The following HEATR5B variants were observed in gnomAD, a reference collection of about 807,000 sequenced individuals.
HEATR5B encodes HEAT repeat containing 5B.
A neutral mutation model predicts 224.1 loss-of-function variants in HEATR5B; 156 were observed. The observed-to-expected ratio is 0.70, with a 90% confidence interval of 0.61 to 0.80. HEATR5B has a LOEUF of 0.80. Ranked by LOEUF, HEATR5B falls within the 30% of genes least tolerant of loss-of-function variation. The pLI is 0.00. For missense variants in HEATR5B, 2,323 were observed against 2,535.5 expected (o/e 0.92, Z 1.80); for synonymous variants, 1,027 against 893.0 (o/e 1.15, Z -2.68).
chr2:37,050,081 C>G (rs904050549), intron 17 of HEATR5B, among the ~76,000 whole-genome samples: 20 of 151,806 alleles, frequency 1.3e-4, no homozygotes, highest in Non-Finnish European at 2.5e-4. Flanking sequence ...TTTGTAGAGA[C>G]AGGGTCTTAC....
chr2:37,022,429 G>A (rs530347647), intron 24 of HEATR5B, among the ~76,000 whole-genome samples: 2 of 152,150 alleles, frequency 1.3e-5, no homozygotes, highest in Admixed American at 6.5e-5. Context: ...CGCCCACCTC[G>A]GCCTCCCAAA....
intron 35 of HEATR5B, among the ~76,000 whole-genome samples, chr2:36,983,389 A>G (rs1204441113): frequency 2.8e-5 from 4 of 141,782 alleles, no homozygotes; most frequent in Middle Eastern, 7.1e-3. Context: ...AAAAAAAAAA[A>G]TTAGCCGGGC....
At chr2:37,020,864 G>C in intron 24 of HEATR5B, 28 bp from the exon 25 acceptor site, 1 of 1,335,516 alleles carries the variant, frequency 7.5e-7, no homozygotes, top group East Asian at 2.7e-5. Flanking sequence ...ATGCAAAAAT[G>C]AAAACTTTTC....
intron 2 of HEATR5B, among the ~76,000 whole-genome samples, chr2:37,083,069 G>A (rs1672711407): frequency 1.3e-5 from 2 of 152,148 alleles, no homozygotes; most frequent in Non-Finnish European, 2.9e-5. Context: ...TTTTTCTCCA[G>A]TTACAATGAG....
At chr2:37,040,567 T>C in intron 19 of HEATR5B, 49 bp from the exon 20 acceptor site, 2 of 1,404,484 alleles carry the variant, frequency 1.4e-6, no homozygotes, top group Non-Finnish European at 9.8e-7. Context: ...AATTCGAATG[T>C]ACTGAATTGA....
intron 35 of HEATR5B, among the ~76,000 whole-genome samples, chr2:36,982,259 C>A (rs2148305498): frequency 6.6e-6 from 1 of 152,206 alleles, no homozygotes; most frequent in Middle Eastern, 3.4e-3. Context: ...ATTTCATCAT[C>A]CCCCAAAACT....
At position 37,040,259 on chromosome 2, in the gene HEATR5B, G is replaced by A. The variant is rs1303775660; in HGVS notation, c.3046+70C>T. 7.5e-6 allele frequency: 9 copies of A among 1,203,126 alleles called. No individual in the cohort carries two copies. The African/African-American group carries it at 7.7e-5, about 10-fold the overall frequency. 74.5% of individuals were successfully genotyped at this position (1,203,126 alleles called of 1,614,324 possible). A position where few individuals can be genotyped will look rare whatever the true frequency, so the allele number is the denominator to read the frequency against. On this transcript the variant is annotated intron_variant, in intron 20 of 35. Transcript: ENST00000233099. The stretch of plus-strand genomic sequence containing the variant: ...ACAAAATTTCTTCAAGTAATGTGAT[G>A]GTGATATTCAGGAAATTTAAAGATA...
At chr2:37,038,856 C>T (rs1052953711) in intron 20 of HEATR5B, among the ~76,000 whole-genome samples, 3 of 146,808 alleles carry the variant, frequency 2.0e-5, no homozygotes, top group East Asian at 2.0e-4. Flanking sequence ...GCTGAGATCA[C>T]GCCACTGCAC....
At chr2:36,986,710 C>T (rs554104049) in intron 35 of HEATR5B, among the ~76,000 whole-genome samples, 3 of 152,180 alleles carry the variant, frequency 2.0e-5, no homozygotes, top group East Asian at 3.9e-4. Flanking sequence ...CTCCGCCTCC[C>T]GGGTTCAAGC....
chr2:36,984,566 T>G (rs963468141), intron 35 of HEATR5B, among the ~76,000 whole-genome samples: 3 of 152,144 alleles, frequency 2.0e-5, no homozygotes, highest in East Asian at 3.9e-4. Context: ...AGATCTAATG[T>G]AGGTTTAATA....
chr2:36,984,393 T>C (rs2148314739), intron 35 of HEATR5B, among the ~76,000 whole-genome samples: 1 of 151,538 alleles, frequency 6.6e-6, no homozygotes, highest in East Asian at 1.9e-4. Flanking sequence ...GAGTACTAAG[T>C]GCTAAAAAAC....
At chr2:37,058,059 T>C (rs1228382032) in intron 14 of HEATR5B, among the ~76,000 whole-genome samples, 2 of 152,186 alleles carry the variant, frequency 1.3e-5, no homozygotes, top group Non-Finnish European at 2.9e-5. Flanking sequence ...TATATTACAG[T>C]ATATAGGAAG....
At chr2:37,006,073 A>G (rs186532996) in intron 29 of HEATR5B, among the ~76,000 whole-genome samples, 1 of 152,348 alleles carries the variant, frequency 6.6e-6, no homozygotes, top group Admixed American at 6.5e-5. Context: ...ATAAATTTAC[A>G]AACATTATAA....
intron 33 of HEATR5B, among the ~76,000 whole-genome samples, chr2:36,993,555 A>G (rs1666482596): frequency 6.7e-6 from 1 of 149,770 alleles, no homozygotes; most frequent in Non-Finnish European, 1.5e-5. Flanking sequence ...AAAAAAAAAA[A>G]AAGAAAGAAA....
chr2:36,992,598 C>G (rs1436198582), intron 33 of HEATR5B, among the ~76,000 whole-genome samples: 1 of 151,820 alleles, frequency 6.6e-6, no homozygotes, highest in African/African-American at 2.4e-5. Context: ...AACAAACAAA[C>G]AAAAAACCTA....
Position 37,002,300 on chromosome 2 carries a change from C to T in HEATR5B, c.5317+6G>A, listed in dbSNP as rs756927356. On this transcript the variant is annotated splice_donor_region_variant and intron_variant, in intron 32 of 35. Transcript: ENST00000233099. The stretch of plus-strand genomic sequence containing the variant: ...ATGCATTTCCAAATACTGATCAATA[C>T]CGTACCAGCGGGTGAACAAAGGGAT... 6 of 1,614,096 alleles carry T rather than the reference C, an allele frequency of 3.7e-6. No individual in the cohort carries two copies. Among genetic ancestry groups the T allele is most frequent in the South Asian group, 1.1e-5 (1 of 91,078 alleles).
At chr2:37,014,238 T>G (rs1667971578) in intron 26 of HEATR5B, among the ~76,000 whole-genome samples, 1 of 152,092 alleles carries the variant, frequency 6.6e-6, no homozygotes, top group African/African-American at 2.4e-5. Context: ...CTCGGCTCAC[T>G]GCAAGCTCCA....
At chr2:37,031,034 C>T (rs1460293264) in intron 22 of HEATR5B, among the ~76,000 whole-genome samples, 1 of 152,204 alleles carries the variant, frequency 6.6e-6, no homozygotes, top group Non-Finnish European at 1.5e-5. Context: ...GCATCAGCCC[C>T]CAATAAAAAC....
chr2:36,984,215 A>AAAAAATATAT, intron 35 of HEATR5B, among the ~76,000 whole-genome samples: 2 of 77,642 alleles, frequency 2.6e-5, no homozygotes, highest in African/African-American at 1.2e-4. Context: ...AAAAAAAAAA[A>AAAAAATATAT]ATATATATAT....
Sources: gnomAD v4.1 joint callset for allele counts (sites outside exome capture counted in the v4.1 genomes callset) on GRCh38, gnomAD v4.1.1 for gene constraint, MANE v1.5 for transcripts, NCBI Gene and HGNC (gene_info 2026-07-23, HGNC 2026-07-21) for gene names.